The following LRFN2 variants were observed in gnomAD, a reference collection of about 807,000 sequenced individuals.
LRFN2 encodes leucine-rich repeat and fibronectin type-III domain-containing protein 2.
Under a neutral mutation model 37.3 loss-of-function variants are expected in LRFN2, and 18 were observed. The ratio of observed to expected loss-of-function variants is 0.48; its 90% CI spans 0.33 to 0.72. The LOEUF is 0.72. Ranked by LOEUF, LRFN2 falls within the 30% of genes least tolerant of loss-of-function variation. The pLI, the probability that LRFN2 is intolerant of heterozygous loss-of-function variation, is 0.02. For missense variants in LRFN2, 1,006 were observed against 1,060.7 expected (o/e 0.95, Z 0.72); for synonymous variants, 556 against 466.6 (o/e 1.19, Z -2.47).
At chr6:40,537,253 A>G (rs928675847) in intron 1 of LRFN2, among the ~76,000 whole-genome samples, 1 of 152,224 alleles carries the variant, frequency 6.6e-6, no homozygotes, top group African/African-American at 2.4e-5. Context: ...GGGGGCAGGA[A>G]CCCCAATACT....
At chr6:40,524,725 AG>A (rs746013670) in intron 1 of LRFN2, among the ~76,000 whole-genome samples, 51 of 152,158 alleles carry the variant, frequency 3.4e-4, no homozygotes, top group Non-Finnish European at 6.5e-4. Flanking sequence ...CCCAGGAGAG[AG>A]GGGCCCTCCA....
chr6:40,551,843 A>G (rs955434487), intron 1 of LRFN2, among the ~76,000 whole-genome samples: 1 of 152,244 alleles, frequency 6.6e-6, no homozygotes, highest in Non-Finnish European at 1.5e-5. Flanking sequence ...CTGCTCTGAC[A>G]TACCAACATG....
chr6:40,556,432 A>T lies in LRFN2; in HGVS notation c.-19+30509T>A, dbSNP rs1766879576. On this transcript the variant is annotated intron_variant, in intron 1 of 2. Coordinates refer to ENST00000338305, the MANE Select transcript of LRFN2 (RefSeq NM_020737.3). ...GTGAGGATAAGGGGCATGAAGCCCC[A>T]CCTGCACTTCTGAAAGGACAGAGGA... 2.0e-5 allele frequency among the ~76,000 whole-genome samples: 3 copies of T among 152,170 alleles called. No individual in the cohort carries two copies. In the South Asian group the frequency reaches 6.2e-4, roughly 32 times the overall value.
chr6:40,441,753 T>C (rs57897346), intron 1 of LRFN2, among the ~76,000 whole-genome samples: 10,946 of 152,160 alleles, frequency 0.072, 1,280 homozygotes, highest in African/African-American at 0.24. Flanking sequence ...GTGGGGGCCC[T>C]CGTGTCACAC....
intron 2 of LRFN2, among the ~76,000 whole-genome samples, chr6:40,399,438 CTT>C (rs71543989): frequency 9.2e-6 from 1 of 108,922 alleles, no homozygotes; most frequent in Admixed American, 1.0e-4. Context: ...TTTTTTTTTT[CTT>C]TTTTTTTTTT....
At chr6:40,490,891 T>A (rs1012637606) in intron 1 of LRFN2, among the ~76,000 whole-genome samples, 1 of 152,190 alleles carries the variant, frequency 6.6e-6, no homozygotes, top group Non-Finnish European at 1.5e-5. Context: ...GGCTGACTTC[T>A]CTTCAAGCTT....
Position 40,432,486 on chromosome 6 carries a change from G to A in LRFN2, c.628C>T (p.Gln210Ter). 1 of 1,614,236 alleles carries A rather than the reference G, an allele frequency of 6.2e-7. No homozygotes were observed. The highest frequency in any genetic ancestry group is 8.5e-7 in the Non-Finnish European group (1 of 1,180,048). ...ARLDLTSNRL[Q>*]KLPPDPIFAR... ...AAGATGGGATCAGGGGGCAGCTTCT[G>A]CAGCCGATTGGAGGTGAGATCCAGG... The change falls in exon 2 of 3, where the codon CAG becomes TAG. Residue 210 changes from glutamine to a stop codon, truncating the protein, a stop_gained. Transcript: ENST00000338305. LOFTEE classifies it high-confidence loss of function.
At chr6:40,544,201 C>T (rs1398128399) in intron 1 of LRFN2, among the ~76,000 whole-genome samples, 1 of 152,222 alleles carries the variant, frequency 6.6e-6, no homozygotes, top group Non-Finnish European at 1.5e-5. Context: ...TGAGCTCAAA[C>T]CCTTATACCA....
intron 2 of LRFN2, 131 bp from the exon 3 acceptor site, chr6:40,393,043 G>A (rs1173548701): frequency 4.0e-6 from 3 of 750,502 alleles, no homozygotes; most frequent in Non-Finnish European, 4.3e-6. Flanking sequence ...AGACAGACAC[G>A]GGGACACAGA....
chr6:40,468,716 G>A (rs1467392870), intron 1 of LRFN2, among the ~76,000 whole-genome samples: 1 of 152,208 alleles, frequency 6.6e-6, no homozygotes, highest in African/African-American at 2.4e-5. Context: ...ATGCCTGTGA[G>A]GTGGTGGGAG....
chr6:40,392,472 C>T lies in LRFN2; in HGVS notation c.1841G>A (p.Ser614Asn). ...AGAGGAGTCACTGGCGCGGGCCAGG[C>T]TGGCGGTGAAGTCCAGGAGCTCGTT... ...VRNELLDFTA[S>N]LARASDSSSS... The change falls in exon 3 of 3, where the codon AGC (serine) becomes AAC (asparagine). Residue 614 changes from serine to asparagine, a missense_variant. By Grantham distance (46) the Ser-to-Asn change is conservative. This residue lies in a region of LRFN2 where 398 missense variants were observed against 327.6 expected (regional missense o/e 1.21). Coordinates refer to ENST00000338305, the MANE Select transcript of LRFN2 (RefSeq NM_020737.3). The surrounding 1 kb of genome is among the most constrained non-coding windows in gnomAD (Gnocchi z 4.7). 1 of 1,570,432 alleles carries T rather than the reference C, an allele frequency of 6.4e-7. No individual in the cohort carries two copies. Among genetic ancestry groups the T allele is most frequent in the Non-Finnish European group, 8.6e-7 (1 of 1,158,246 alleles).
intron 1 of LRFN2, among the ~76,000 whole-genome samples, chr6:40,474,197 A>T (rs559350589): frequency 1.3e-5 from 2 of 152,296 alleles, no homozygotes; most frequent in Non-Finnish European, 2.9e-5. Flanking sequence ...AGTGGATTAA[A>T]ACAACAGAGA....
At chr6:40,477,543 G>A (rs1764736141) in intron 1 of LRFN2, among the ~76,000 whole-genome samples, 1 of 152,172 alleles carries the variant, frequency 6.6e-6, no homozygotes, top group Non-Finnish European at 1.5e-5. Flanking sequence ...GGTGGGCTGG[G>A]GCAGGGGTCA....
chr6:40,558,140 G>A (rs1766925116), intron 1 of LRFN2, among the ~76,000 whole-genome samples: 1 of 152,154 alleles, frequency 6.6e-6, no homozygotes, highest in South Asian at 2.1e-4. Context: ...GCTCTTCTGG[G>A]AATGAGTAAG....
At chr6:40,411,010 C>G (rs757435572) in intron 2 of LRFN2, among the ~76,000 whole-genome samples, 1 of 152,238 alleles carries the variant, frequency 6.6e-6, no homozygotes, top group South Asian at 2.1e-4. Flanking sequence ...AATTGCACAC[C>G]AGGGTCCCTG....
chr6:40,562,898 G>T (rs950194679), intron 1 of LRFN2, among the ~76,000 whole-genome samples: 1 of 151,540 alleles, frequency 6.6e-6, no homozygotes, highest in Admixed American at 6.6e-5. Context: ...GCCAGATTTG[G>T]GACTTGCCTG....
chr6:40,513,881 G>A (rs528159827), intron 1 of LRFN2, among the ~76,000 whole-genome samples: 14 of 151,440 alleles, frequency 9.2e-5, no homozygotes, highest in Non-Finnish European at 2.1e-4. Context: ...AAGCACTTCC[G>A]GCAGAAGGAG....
intron 2 of LRFN2, among the ~76,000 whole-genome samples, chr6:40,396,104 A>G (rs961227352): frequency 3.9e-5 from 6 of 152,098 alleles, no homozygotes; most frequent in Admixed American, 2.0e-4. Flanking sequence ...AGAACAGCTA[A>G]CATGAGGGCT....
chr6:40,541,726 C>T (rs535943607), intron 1 of LRFN2, among the ~76,000 whole-genome samples: 1 of 152,294 alleles, frequency 6.6e-6, no homozygotes, highest in African/African-American at 2.4e-5. Flanking sequence ...TCACAGCTGC[C>T]GCCCGTGGGA....
Sources: gnomAD v4.1 joint callset for allele counts (sites outside exome capture counted in the v4.1 genomes callset) on GRCh38, gnomAD v4.1.1 for gene constraint, gnomAD v4.1.1 regional missense constraint, Gnocchi (gnomAD v3.1) non-coding constraint, MANE v1.5 for transcripts, NCBI Gene and HGNC (gene_info 2026-07-23, HGNC 2026-07-21) for gene names.